Variants in WASHC5 observed in about 807,000 individuals in gnomAD.
WASHC5 encodes the protein WASH complex subunit strumpellin.
Under a neutral mutation model 150.4 loss-of-function variants are expected in WASHC5, and 101 were observed. The observed-to-expected ratio is 0.67, with a 90% CI of 0.57 to 0.79. WASHC5 has a LOEUF of 0.79. WASHC5 is among the 30% of genes least tolerant of loss of function. WASHC5 has a pLI of 0.00. For missense variants in WASHC5, 1,195 were observed against 1,396.3 expected (o/e 0.86, Z 2.30); for synonymous variants, 467 against 491.2 (o/e 0.95, Z 0.65).
At chr8:125,025,152 C>A in intron 28 of WASHC5, among the ~76,000 whole-genome samples, 1 of 152,034 alleles carries the variant, frequency 6.6e-6, no homozygotes, top group African/African-American at 2.4e-5. Flanking sequence ...CTGAACTGTT[C>A]TTGGGCAAAG....
At chr8:125,080,015 T>G (rs1025955704) in intron 5 of WASHC5, among the ~76,000 whole-genome samples, 4 of 152,224 alleles carry the variant, frequency 2.6e-5, no homozygotes, top group African/African-American at 9.7e-5. Flanking sequence ...GGCAAGCTGT[T>G]CCTTCTACAG....
At chr8:125,050,116 G>T (rs7002783) in intron 18 of WASHC5, among the ~76,000 whole-genome samples, 21,192 of 151,890 alleles carry the variant, frequency 0.14, 3,729 homozygotes, top group African/African-American at 0.41. Context: ...TGATAATAAA[G>T]ATCCTAAATA....
intron 20 of WASHC5, among the ~76,000 whole-genome samples, chr8:125,046,165 T>A (rs1816060969): frequency 1.3e-5 from 2 of 152,126 alleles, no homozygotes; most frequent in Non-Finnish European, 1.5e-5. Context: ...AGAACAAAGA[T>A]CATCGCTTTT....
intron 5 of WASHC5, among the ~76,000 whole-genome samples, chr8:125,079,590 C>T (rs1295034587): frequency 2.6e-5 from 4 of 151,982 alleles, no homozygotes; most frequent in East Asian, 3.9e-4. Flanking sequence ...GGATTTGTTT[C>T]GGAATATAGC....
At chr8:125,081,192 A>G (rs1817249177) in intron 5 of WASHC5, among the ~76,000 whole-genome samples, 1 of 150,898 alleles carries the variant, frequency 6.6e-6, no homozygotes, top group African/African-American at 2.4e-5. Context: ...GAAATATGTA[A>G]TTGTTATATA....
At chr8:125,076,946 C>A (rs2130182095) in intron 6 of WASHC5, among the ~76,000 whole-genome samples, 2 of 152,268 alleles carry the variant, frequency 1.3e-5, no homozygotes, top group South Asian at 4.2e-4. Flanking sequence ...CATGACCTCA[C>A]AACCATCCAA....
chr8:125,048,883 G>C (rs537525333), intron 19 of WASHC5, 123 bp downstream of exon 19: 1 of 778,126 alleles, frequency 1.3e-6, no homozygotes, highest in South Asian at 1.9e-5. Flanking sequence ...GCTCCTGAAA[G>C]TACTCTGAAG....
intron 27 of WASHC5, among the ~76,000 whole-genome samples, chr8:125,030,507 AT>A (rs1307585436): frequency 6.6e-6 from 1 of 152,042 alleles, no homozygotes; most frequent in Admixed American, 6.6e-5. Context: ...AAATAACGAC[AT>A]TGGGGTTTAG....
chr8:125,073,246 C>T lies in WASHC5; in HGVS notation c.1057G>A (p.Glu353Lys), dbSNP rs1248655354. ...QFLKEGYLRE[E>K]MVLDNIPKLL... is the part of the protein sequence containing the mutation. ...TTTGGGATATTGTCCAGAACCATCT[C>T]CTCCCTTAAATAACCTTCTTTTAGA... The change falls in exon 9 of 29, where the codon GAG (glutamate) becomes AAG (lysine). Residue 353 changes from glutamate to lysine, a missense_variant. Coordinates refer to ENST00000318410, the MANE Select transcript of WASHC5 (RefSeq NM_014846.4). 2 of 1,613,982 alleles carry T rather than the reference C, an allele frequency of 1.2e-6. No homozygotes were observed. The highest frequency in any genetic ancestry group is 1.3e-5 in the African/African-American group (1 of 74,920).
At position 125,075,110 on chromosome 8, in the gene WASHC5, A is replaced by G; in HGVS notation, c.866T>C (p.Val289Ala). 1 of 1,555,600 alleles carries G rather than the reference A, an allele frequency of 6.4e-7. No individual in the cohort carries two copies. Among genetic ancestry groups the G allele is most frequent in the Non-Finnish European group, 8.9e-7 (1 of 1,126,928 alleles). The change falls in exon 8 of 29, where the codon GTA (valine) becomes GCA (alanine). Residue 289 changes from valine to alanine, a missense_variant and splice_region_variant. This residue lies in a region of WASHC5 where 997 missense variants were observed against 1,168.1 expected (regional missense o/e 0.85). Coordinates refer to ENST00000318410, the MANE Select transcript of WASHC5 (RefSeq NM_014846.4). ...TGTGATCCCCATGTAAATACTAATT[A>G]CCTGAAAGAGGAGACATTCAGAATT... ...IVDKYFPDNW[V>A]ISIYMGITVN...
chr8:125,046,770 G>A (rs942368283), intron 20 of WASHC5, among the ~76,000 whole-genome samples: 3 of 152,232 alleles, frequency 2.0e-5, no homozygotes, highest in Admixed American at 6.5e-5. Flanking sequence ...GCTAAGAATC[G>A]TTTTGTGGAG....
rs748085274 is a variant in WASHC5 at position 125,050,643 on chromosome 8, T to C, written c.2120A>G (p.Glu707Gly). 6.2e-7 allele frequency: 1 copy of C among 1,613,974 alleles called. No individual in the cohort carries two copies. The highest frequency in any genetic ancestry group is 1.3e-5 in the African/African-American group (1 of 74,930). ...IIKVDPKQLL[E>G]DGIRKELVKR... is the part of the protein sequence containing the mutation. ...CACAAGCTCTTTCCTTATTCCATCT[T>C]CCAGCAACTGCTTTGGATCCACCTA... The change falls in exon 18 of 29, where the codon GAA (glutamate) becomes GGA (glycine). Residue 707 changes from glutamate to glycine, a missense_variant. Glu to Gly is a moderately conservative substitution (Grantham distance 98). Around this residue, in one of 3 missense-constraint regions of WASHC5, gnomAD observed 997 missense variants for 1,168.1 expected, o/e 0.85. Coordinates refer to ENST00000318410, the MANE Select transcript of WASHC5 (RefSeq NM_014846.4).
At chr8:125,060,655 A>G (rs1284322056) in intron 12 of WASHC5, among the ~76,000 whole-genome samples, 8 of 152,154 alleles carry the variant, frequency 5.3e-5, no homozygotes, top group African/African-American at 1.4e-4. Context: ...AAAAGAAAAT[A>G]TATCACTTAT....
intron 4 of WASHC5, among the ~76,000 whole-genome samples, chr8:125,082,157 A>T (rs540108155): frequency 6.6e-6 from 1 of 152,236 alleles, no homozygotes. Flanking sequence ...GAATTCTTAC[A>T]CCGAGGAGGC....
intron 10 of WASHC5, among the ~76,000 whole-genome samples, chr8:125,065,033 G>C (rs10096319): frequency 0.19 from 29,121 of 152,116 alleles, 3,234 homozygotes; most frequent in Middle Eastern, 0.34. Context: ...TGAAGCCTTC[G>C]TAAGAGACTA....
intron 23 of WASHC5, among the ~76,000 whole-genome samples, chr8:125,043,267 A>G (rs954446668): frequency 1.9e-4 from 29 of 152,350 alleles, no homozygotes; most frequent in African/African-American, 7.0e-4. Flanking sequence ...TGCCGAGTAA[A>G]GGCAGGAAAC....
chr8:125,079,334 G>T (rs754915183), intron 5 of WASHC5, among the ~76,000 whole-genome samples: 1 of 150,938 alleles, frequency 6.6e-6, no homozygotes, highest in Non-Finnish European at 1.5e-5. Context: ...GGGACTACAG[G>T]CATTTGCCAC....
intron 5 of WASHC5, among the ~76,000 whole-genome samples, chr8:125,080,145 T>A (rs149308236): frequency 2.7e-3 from 405 of 152,332 alleles, no homozygotes; most frequent in African/African-American, 8.9e-3. Context: ...AGGATCTCTT[T>A]TGCCACGACT....
Position 125,059,255 on chromosome 8 carries a change from G to A in WASHC5, c.1731C>T (p.Ser577=). 7 of 1,613,878 alleles carry A rather than the reference G, an allele frequency of 4.3e-6. No individual in the cohort carries two copies. The highest frequency in any genetic ancestry group is 5.9e-6 in the Non-Finnish European group (7 of 1,179,828). Residue 577 remains serine (S), a synonymous_variant, in exon 14 of 29, where the codon TCC becomes TCT. Transcript: ENST00000318410. ...AGGTAGCTCTGAGTTTAGTAACCAT[G>A]GATGGATTTACCCTTATGCTTTCTT... The part of the protein sequence containing the change: ...IMQESIRVNP[S]MVTKLRATFL...
Sources: allele counts gnomAD v4.1 joint callset (sites outside exome capture counted in the v4.1 genomes callset), GRCh38; gene constraint gnomAD v4.1.1; regional missense constraint gnomAD v4.1.1; transcripts MANE v1.5; gene names NCBI Gene and HGNC (gene_info 2026-07-23, HGNC 2026-07-21).